The following GNG12 variants were observed in gnomAD, a reference collection of about 807,000 sequenced individuals.
The protein encoded by GNG12 is G protein subunit gamma 12.
For missense variants in GNG12, 69 were observed against 83.8 expected, an observed-to-expected ratio of 0.82 and a Z score of 0.69; for synonymous variants, 28 against 29.7, an observed-to-expected ratio of 0.94 and a Z score of 0.19.
chr1:67,789,065 G>A (rs1366233447), intron 1 of GNG12, among the ~76,000 whole-genome samples: 1 of 152,218 alleles, frequency 6.6e-6, no homozygotes, highest in African/African-American at 2.4e-5. Context: ...CCAATAAAAG[G>A]AAGGAAAAGC....
At chr1:67,774,062 T>G (rs1646690229) in intron 2 of GNG12, among the ~76,000 whole-genome samples, 1 of 152,190 alleles carries the variant, frequency 6.6e-6, no homozygotes, top group African/African-American at 2.4e-5. Context: ...TGTCGGCCAC[T>G]CTGTGTGGCA....
intron 2 of GNG12, among the ~76,000 whole-genome samples, chr1:67,768,927 G>C (rs1049721679): frequency 6.6e-6 from 1 of 152,166 alleles, no homozygotes; most frequent in African/African-American, 2.4e-5. Context: ...AGTCCCAGGG[G>C]AGTTGAGTTC....
rs147282130 is a variant in GNG12 at position 67,760,018 on chromosome 1, T to G, written c.-27+17440A>C. ...GAGCAAGGCAGAAAGCCTTCAAAGC[T>G]TTAGCAGTTGGCGTGGCAAGGAACA... is the stretch of plus-strand genomic sequence containing the variant. On this transcript the variant is annotated intron_variant, in intron 2 of 3. Coordinates refer to ENST00000370982, the MANE Select transcript of GNG12 (RefSeq NM_018841.6). 4.2e-3 allele frequency among the ~76,000 whole-genome samples: 646 copies of G among 152,360 alleles called. 2 individuals carry two copies. The highest frequency in any genetic ancestry group is 6.5e-3 in the Non-Finnish European group (440 of 68,038).
intron 1 of GNG12, among the ~76,000 whole-genome samples, chr1:67,806,189 T>C (rs978992426): frequency 6.6e-6 from 1 of 152,092 alleles, no homozygotes; most frequent in Admixed American, 6.6e-5. Flanking sequence ...GAAACTCAGA[T>C]CTACATAAAG....
At chr1:67,800,593 T>C (rs1646859087) in intron 1 of GNG12, among the ~76,000 whole-genome samples, 1 of 152,206 alleles carries the variant, frequency 6.6e-6, no homozygotes, top group South Asian at 2.1e-4. Context: ...TTTAGTTTCC[T>C]TATTATGTCA....
intron 1 of GNG12, among the ~76,000 whole-genome samples, chr1:67,828,724 G>A (rs536838629): frequency 8.1e-4 from 124 of 152,330 alleles, no homozygotes; most frequent in African/African-American, 2.9e-3. Flanking sequence ...GATCTGGGAA[G>A]TCACAACTTC....
At chr1:67,775,064 A>G (rs555455044) in intron 2 of GNG12, among the ~76,000 whole-genome samples, 1 of 152,286 alleles carries the variant, frequency 6.6e-6, no homozygotes, top group Non-Finnish European at 1.5e-5. Context: ...CTCACTGTCT[A>G]TTCCTTTTAC....
chr1:67,766,862 G>A (rs994173854), intron 2 of GNG12, among the ~76,000 whole-genome samples: 4 of 152,058 alleles, frequency 2.6e-5, no homozygotes, highest in Non-Finnish European at 4.4e-5. Flanking sequence ...TCCCCCTCAC[G>A]GAAAGGGTTA....
intron 1 of GNG12, among the ~76,000 whole-genome samples, chr1:67,779,516 T>C (rs1003749359): frequency 1.7e-5 from 2 of 119,004 alleles, no homozygotes; most frequent in Non-Finnish European, 3.4e-5. Flanking sequence ...GGTCCCAAAA[T>C]GCACACCCCC....
intron 2 of GNG12, among the ~76,000 whole-genome samples, chr1:67,762,529 A>G (rs1344826302): frequency 1.3e-5 from 2 of 152,222 alleles, no homozygotes; most frequent in African/African-American, 4.8e-5. Context: ...AAACAAGAGA[A>G]AAGTTTAAAA....
chr1:67,717,005 C>T (rs1646329148), intron 2 of GNG12, among the ~76,000 whole-genome samples: 1 of 152,116 alleles, frequency 6.6e-6, no homozygotes, highest in African/African-American at 2.4e-5. Context: ...CAGCGAGTTC[C>T]TCACTTCACT....
chr1:67,774,968 C>T (rs193093355), intron 2 of GNG12, among the ~76,000 whole-genome samples: 9 of 152,260 alleles, frequency 5.9e-5, no homozygotes, highest in African/African-American at 2.2e-4. Flanking sequence ...TAGCACAGTA[C>T]GTGGCACACA....
At chr1:67,761,422 T>A (rs1193581162) in intron 2 of GNG12, among the ~76,000 whole-genome samples, 2 of 152,214 alleles carry the variant, frequency 1.3e-5, no homozygotes, top group African/African-American at 4.8e-5. Context: ...CTGTTCTGTC[T>A]GATTTTGTTG....
intron 2 of GNG12, among the ~76,000 whole-genome samples, chr1:67,747,407 A>T (rs1462310032): frequency 6.6e-6 from 1 of 152,216 alleles, no homozygotes; most frequent in African/African-American, 2.4e-5. Context: ...GGCGTGAGCC[A>T]CCGCGCCTAG....
At chr1:67,732,376 CT>C (rs1646424973) in intron 2 of GNG12, among the ~76,000 whole-genome samples, 1 of 152,220 alleles carries the variant, frequency 6.6e-6, no homozygotes, top group Admixed American at 6.5e-5. Context: ...AACCCTTGGC[CT>C]TGTTCCCTGA....
intron 1 of GNG12, among the ~76,000 whole-genome samples, chr1:67,818,428 T>G (rs896514496): frequency 2.7e-5 from 4 of 148,490 alleles, no homozygotes; most frequent in East Asian, 2.0e-4. Context: ...TTTTTTTTTT[T>G]TTTTTTTTTT....
intron 2 of GNG12, among the ~76,000 whole-genome samples, chr1:67,765,518 T>G (rs1054584914): frequency 6.6e-5 from 10 of 152,228 alleles, no homozygotes; most frequent in Admixed American, 6.5e-4. Context: ...TAAAAGCAGC[T>G]GAATAATCAA....
intron 2 of GNG12, among the ~76,000 whole-genome samples, chr1:67,757,266 CAG>C (rs902426016): frequency 1.3e-5 from 2 of 152,110 alleles, no homozygotes; most frequent in Non-Finnish European, 2.9e-5. Context: ...AGGTGTCAGA[CAG>C]GGAATTTTCC....
intron 2 of GNG12, among the ~76,000 whole-genome samples, chr1:67,763,598 T>C (rs1403269985): frequency 7.3e-5 from 11 of 151,552 alleles, no homozygotes; most frequent in Admixed American, 5.3e-4. Flanking sequence ...AGTGGTGCAA[T>C]CACATAGCTC....
Sources: gnomAD v4.1 joint callset for allele counts (sites outside exome capture counted in the v4.1 genomes callset) on GRCh38, gnomAD v4.1.1 for gene constraint, MANE v1.5 for transcripts, NCBI Gene and HGNC (gene_info 2026-07-23, HGNC 2026-07-21) for gene names.